Variants in UNC45A observed in about 807,000 individuals in gnomAD.
UNC45A encodes protein unc-45 homolog A.
Under a neutral mutation model 103.2 loss-of-function variants are expected in UNC45A, and 78 were observed. The ratio of observed to expected loss-of-function variants is 0.76; its 90% CI spans 0.63 to 0.91. UNC45A has a LOEUF of 0.91. Among genes scored for constraint, UNC45A ranks in the 40% least tolerant of loss-of-function variants. UNC45A has a pLI of 0.00. For synonymous variants in UNC45A, 495 were observed against 504.6 expected, an observed-to-expected ratio of 0.98 and a Z score of 0.25; for missense variants, 1,193 against 1,224.8, an observed-to-expected ratio of 0.97 and a Z score of 0.39.
intron 8 of UNC45A, among the ~76,000 whole-genome samples, chr15:90,944,235 A>C (rs2036446828): frequency 6.6e-6 from 1 of 151,936 alleles, no homozygotes; most frequent in Admixed American, 6.5e-5. Context: ...AAGATACAAA[A>C]AATTAGCCAG....
chr15:90,940,132 G>C (rs1305007482), intron 5 of UNC45A, among the ~76,000 whole-genome samples, 174 bp from the exon 6 acceptor site: 1 of 152,208 alleles, frequency 6.6e-6, no homozygotes, highest in African/African-American at 2.4e-5. Flanking sequence ...CCGAGAGAAG[G>C]CTCTTCCCTC....
chr15:90,932,465 C>A (rs1309944702), upstream of UNC45A: 2 of 1,325,364 alleles, frequency 1.5e-6, no homozygotes, highest in Admixed American at 3.6e-5. Context: ...CCCTCGGGGT[C>A]CTTCCGCCGC....
In UNC45A at chr15:90,935,663, G is replaced by C; in HGVS notation, c.171G>C (p.Gln57His). Residue 57 changes from glutamine (Q) to histidine (H), a missense_variant, in exon 2 of 20, where the codon CAG becomes CAC. Gln to His is a conservative substitution (Grantham distance 24). Transcript: ENST00000418476. ...ALGLDATPQD[Q>H]AVLHRNRAAC... ...GTCTGGACGCGACGCCCCAGGACCA[G>C]GCCGTTCTGCACCGGAACCGGGCCG... The C allele has an allele frequency of 6.3e-7, 1 of 1,599,038 alleles. No individual in the cohort carries two copies. The highest frequency in any genetic ancestry group is 1.1e-5 in the South Asian group (1 of 89,004).
chr15:90,931,505 ATGGAATGAGCTGTCC>A (rs2035788999), upstream of UNC45A: 1 of 1,614,062 alleles, frequency 6.2e-7, no homozygotes, highest in Non-Finnish European at 8.5e-7. Flanking sequence ...TGAGTTCCTG[ATGGAATGAGCTGTCC>A]TGAAAACTTC....
At chr15:90,931,847 ACCTCCT>A, upstream of UNC45A, 1 of 1,613,848 alleles carries the variant, frequency 6.2e-7, no homozygotes, top group Non-Finnish European at 8.5e-7. Flanking sequence ...GTCATCTGTT[ACCTCCT>A]CCACCAGGCG....
intron 8 of UNC45A, among the ~76,000 whole-genome samples, chr15:90,943,478 T>G (rs2036399485): frequency 6.6e-6 from 1 of 150,744 alleles, no homozygotes. Context: ...TCCAGCCACG[T>G]GTCTGCACTG....
chr15:90,949,792 C>T lies in UNC45A; in HGVS notation c.2073+72C>T, dbSNP rs772698648. On this transcript the variant is annotated intron_variant, in intron 15 of 19. Transcript: ENST00000418476. ...ATAAAACATGACTCAGCAGCTGCCA[C>T]GCCAGAGCTGGGTGTTAGATATGGA... 29 of 1,451,850 alleles carry T rather than the reference C, an allele frequency of 2.0e-5. 1 individual carries two copies. The highest frequency in any genetic ancestry group is 1.7e-4 in the Middle Eastern group (1 of 5,774). The allele number at this position is 1,451,850 out of a possible 1,614,324, so 89.9% of individuals were successfully genotyped here.
In UNC45A at chr15:90,953,523, G is replaced by A. The variant is rs749077342; in HGVS notation, c.2642G>A (p.Arg881Gln). 4.7e-5 allele frequency: 76 copies of A among 1,614,004 alleles called. 1 individual carries two copies. The South Asian group carries it at 4.8e-4, about 10-fold the overall frequency. The change falls in exon 20 of 20, where the codon CGG becomes CAG. Residue 881 changes from arginine to glutamine, a missense_variant. Physicochemically the swap from Arg to Gln is conservative, Grantham distance 43. Transcript: ENST00000418476. ...LLSSNQELQH[R>Q]GAVVVLNMVE... ...AGCTCCAACCAGGAGCTGCAGCACC[G>A]GGGTGCTGTGGTGGTGCTGAACATG...
intron 17 of UNC45A, among the ~76,000 whole-genome samples, chr15:90,951,143 G>A (rs2036887866): frequency 1.3e-5 from 2 of 152,138 alleles, no homozygotes; most frequent in Admixed American, 6.6e-5. Context: ...GAGTAGCTGG[G>A]ATTATAGGCA....
chr15:90,948,578 C>T (rs1406736287), intron 12 of UNC45A, 76 bp from the exon 13 acceptor site: 23 of 1,565,450 alleles, frequency 1.5e-5, no homozygotes, highest in South Asian at 5.9e-5. Flanking sequence ...GAATTGGGGG[C>T]CTGGGCCTGG....
intron 4 of UNC45A, among the ~76,000 whole-genome samples, 177 bp from the exon 5 acceptor site, chr15:90,939,554 A>C (rs922425567): frequency 6.6e-6 from 1 of 152,182 alleles, no homozygotes; most frequent in African/African-American, 2.4e-5. Flanking sequence ...AGGTGCGGGA[A>C]ATTTAGGAGG....
chr15:90,943,632 A>G (rs146667118), intron 8 of UNC45A, among the ~76,000 whole-genome samples: 70 of 151,934 alleles, frequency 4.6e-4, no homozygotes, highest in African/African-American at 1.6e-3. Flanking sequence ...GCGTGTGCAC[A>G]TACATGCACA....
At chr15:90,947,730 G>C (rs1159333975) in intron 10 of UNC45A, 66 bp from the exon 11 acceptor site, 17 of 1,221,604 alleles carry the variant, frequency 1.4e-5, no homozygotes, top group Non-Finnish European at 1.8e-5. Context: ...GTCCAAGCCA[G>C]GTGTGGAGGA....
chr15:90,952,649 T>G lies in UNC45A; in HGVS notation c.2304-280T>G, dbSNP rs2036980955. Reference sequence around the variant, plus strand: ...CATGTTGGCCAGGCTGGTCTCGAACTCTTGACCTCAAGTCATCTGCCTGCC... The same window carrying G: ...CATGTTGGCCAGGCTGGTCTCGAACGCTTGACCTCAAGTCATCTGCCTGCC... On this transcript the variant is annotated intron_variant, in intron 17 of 19. Transcript: ENST00000418476. 3 of 402,470 alleles carry G rather than the reference T, an allele frequency of 7.5e-6. No individual in the cohort carries two copies. The Admixed American group carries it at 1.1e-4, about 15-fold the overall frequency. 24.9% of individuals were successfully genotyped at this position (402,470 alleles called of 1,614,324 possible). A position where few individuals can be genotyped will look rare whatever the true frequency, so the allele number is the denominator to read the frequency against.
rs2036611790 is a variant in UNC45A at position 90,947,030 on chromosome 15, G to A, written c.1500+116G>A. On this transcript the variant is annotated intron_variant, in intron 10 of 19. Transcript: ENST00000418476. ...AGATGAAAATAAGGAATACTGTAATGCCAAAAAAATTAGCTAGGCTTGGTG... is the reference window on the plus strand; with the variant it reads ...AGATGAAAATAAGGAATACTGTAATACCAAAAAAATTAGCTAGGCTTGGTG... 2.3e-6 allele frequency: 3 copies of A among 1,294,620 alleles called. No homozygotes were observed. In the African/African-American group the frequency reaches 4.5e-5, roughly 19 times the overall value. 80.2% of individuals were successfully genotyped at this position (1,294,620 alleles called of 1,614,324 possible). A position where few individuals can be genotyped will look rare whatever the true frequency, so the allele number is the denominator to read the frequency against.
upstream of UNC45A, chr15:90,932,123 G>A (rs549390607): frequency 1.1e-5 from 18 of 1,580,326 alleles, no homozygotes; most frequent in South Asian, 1.9e-4. Flanking sequence ...GACGGGGAGG[G>A]GCAAAGCAGG....
chr15:90,932,328 G>C, upstream of UNC45A: 1 of 815,220 alleles, frequency 1.2e-6, no homozygotes, highest in Non-Finnish European at 1.8e-6. Context: ...ACTAAGCTTG[G>C]GACAAAACAG....
At chr15:90,942,752 C>A in intron 7 of UNC45A, 147 bp downstream of exon 7, 1 of 1,494,576 alleles carries the variant, frequency 6.7e-7, no homozygotes, top group Non-Finnish European at 9.1e-7. Flanking sequence ...ACTCTAGATT[C>A]TCAGCAACCA....
intron 6 of UNC45A, 44 bp downstream of exon 6, chr15:90,940,517 C>G: frequency 6.3e-7 from 1 of 1,576,822 alleles, no homozygotes; most frequent in Non-Finnish European, 8.6e-7. Flanking sequence ...GTCCCTTTGT[C>G]TGTCTGTCCA....
Sources: gnomAD v4.1 joint callset for allele counts (sites outside exome capture counted in the v4.1 genomes callset) on GRCh38, gnomAD v4.1.1 for gene constraint, MANE v1.5 for transcripts, NCBI Gene and HGNC (gene_info 2026-07-23, HGNC 2026-07-21) for gene names.